Variants in ELAPOR2 observed in about 807,000 individuals in gnomAD.
ELAPOR2 encodes the protein endosome-lysosome associated apoptosis and autophagy regulator family member 2.
A neutral mutation model predicts 120.7 loss-of-function variants in ELAPOR2; 89 were observed. That is an observed-to-expected ratio of 0.74 (90% CI 0.62 to 0.88). ELAPOR2 has a LOEUF of 0.88. ELAPOR2 is among the 40% of genes least tolerant of loss of function. The pLI, the probability that ELAPOR2 is intolerant of heterozygous loss-of-function variation, is 0.00. For synonymous variants in ELAPOR2, 444 were observed against 444.9 expected, an observed-to-expected ratio of 1.00 and a Z score of 0.03; for missense variants, 1,134 against 1,251.6, an observed-to-expected ratio of 0.91 and a Z score of 1.42.
chr7:87,039,111 A>C (rs1794679361), intron 1 of ELAPOR2, among the ~76,000 whole-genome samples: 1 of 152,218 alleles, frequency 6.6e-6, no homozygotes, highest in Admixed American at 6.5e-5. Flanking sequence ...AATGCAAAGG[A>C]TCATTAGAGG....
intron 8 of ELAPOR2, 69 bp downstream of exon 8, chr7:86,938,057 T>C: frequency 3.5e-6 from 4 of 1,154,228 alleles, no homozygotes; most frequent in Non-Finnish European, 5.1e-6. Context: ...ACGAACAAAT[T>C]AGAGTCTGCT....
intron 10 of ELAPOR2, among the ~76,000 whole-genome samples, chr7:86,921,467 C>T (rs186945768): frequency 1.3e-5 from 2 of 152,090 alleles, no homozygotes; most frequent in African/African-American, 2.4e-5. Flanking sequence ...TCAAGGAATT[C>T]CTGGGGCTAC....
chr7:87,056,941 A>G (rs1795283740), intron 1 of ELAPOR2, among the ~76,000 whole-genome samples: 1 of 152,106 alleles, frequency 6.6e-6, no homozygotes, highest in Admixed American at 6.6e-5. Flanking sequence ...CTTTTTCTAT[A>G]CTCCTCAACA....
intron 1 of ELAPOR2, among the ~76,000 whole-genome samples, chr7:87,007,986 A>G (rs770253068): frequency 6.6e-6 from 1 of 152,212 alleles, no homozygotes; most frequent in Non-Finnish European, 1.5e-5. Flanking sequence ...CTAGTGATCG[A>G]AAGTTTAATG....
At chr7:86,989,606 G>A (rs1040433821) in intron 1 of ELAPOR2, among the ~76,000 whole-genome samples, 1 of 152,072 alleles carries the variant, frequency 6.6e-6, no homozygotes, top group East Asian at 1.9e-4. Flanking sequence ...TTTGATTTTC[G>A]TTTTTAGCCC....
intron 1 of ELAPOR2, among the ~76,000 whole-genome samples, chr7:86,985,624 T>C (rs1583950930): frequency 6.6e-6 from 1 of 152,100 alleles, no homozygotes; most frequent in Non-Finnish European, 1.5e-5. Context: ...GAAAAGGCCT[T>C]CAACAAAATT....
At chr7:87,046,759 G>A (rs1446679220) in intron 1 of ELAPOR2, among the ~76,000 whole-genome samples, 1 of 152,138 alleles carries the variant, frequency 6.6e-6, no homozygotes, top group Non-Finnish European at 1.5e-5. Context: ...CTTCTGCCAT[G>A]ATTGTTAAGT....
rs377166277 is a variant in ELAPOR2, at chr7:86,938,232, C to T, written c.1001-18G>A. 3.8e-5 allele frequency: 58 copies of T among 1,532,952 alleles called. No homozygotes were observed. The highest frequency in any genetic ancestry group is 1.7e-4 in the Middle Eastern group (1 of 5,958). 95.0% of individuals were successfully genotyped at this position (1,532,952 alleles called of 1,614,324 possible). ...TCCTTCCTCTGCAACATAAAAAAAG[C>T]GTTTCAGAAATGGGTCAATTATTTT... On this transcript the variant is annotated intron_variant, in intron 7 of 21. Transcript: ENST00000450689.
chr7:87,055,999 T>C (rs1795251394), intron 1 of ELAPOR2, among the ~76,000 whole-genome samples: 2 of 152,222 alleles, frequency 1.3e-5, no homozygotes, highest in South Asian at 4.1e-4. Context: ...AGTTCTGTTC[T>C]TTTTACTCTC....
At chr7:86,912,290 TAG>T in intron 14 of ELAPOR2, 45 bp from the exon 15 acceptor site, 1 of 1,286,238 alleles carries the variant, frequency 7.8e-7, no homozygotes, top group Non-Finnish European at 1.1e-6. Flanking sequence ...AAGAAAATAT[TAG>T]CTGCTACTAA....
At chr7:86,955,237 T>C (rs1371510897) in intron 2 of ELAPOR2, among the ~76,000 whole-genome samples, 1 of 152,124 alleles carries the variant, frequency 6.6e-6, no homozygotes, top group East Asian at 1.9e-4. Flanking sequence ...GAAAAAGTAA[T>C]CTATAATTCT....
At chr7:86,956,247 G>A (rs959054204) in intron 2 of ELAPOR2, among the ~76,000 whole-genome samples, 11 of 152,140 alleles carry the variant, frequency 7.2e-5, no homozygotes, top group African/African-American at 2.7e-4. Context: ...TAAGTTACTT[G>A]TGAAATTCTC....
chr7:87,041,484 CA>C (rs2129015718), intron 1 of ELAPOR2, among the ~76,000 whole-genome samples: 1 of 152,234 alleles, frequency 6.6e-6, no homozygotes, highest in Non-Finnish European at 1.5e-5. Context: ...AAAGAATTTT[CA>C]ACCCAGAATT....
chr7:87,054,749 CAGTTA>C (rs910188073), intron 1 of ELAPOR2, among the ~76,000 whole-genome samples: 1 of 152,192 alleles, frequency 6.6e-6, no homozygotes, highest in Non-Finnish European at 1.5e-5. Flanking sequence ...TCTCACCTCC[CAGTTA>C]ACACTCAACC....
intron 1 of ELAPOR2, among the ~76,000 whole-genome samples, chr7:86,971,345 A>C (rs138186798): frequency 1.1e-3 from 170 of 152,328 alleles, no homozygotes; most frequent in African/African-American, 3.0e-3. Context: ...TTTTCAAAAA[A>C]TGAACATTCT....
At chr7:86,885,541 A>G (rs1799648000) in intron 21 of ELAPOR2, among the ~76,000 whole-genome samples, 1 of 152,150 alleles carries the variant, frequency 6.6e-6, no homozygotes, top group Non-Finnish European at 1.5e-5. Flanking sequence ...CTTCAAGAAA[A>G]AAGATAATTA....
chr7:86,921,946 T>C (rs1310989922), intron 10 of ELAPOR2, among the ~76,000 whole-genome samples: 2 of 152,160 alleles, frequency 1.3e-5, no homozygotes, highest in Non-Finnish European at 2.9e-5. Flanking sequence ...GACCACATTT[T>C]ATAATGTAAA....
At chr7:87,016,357 T>C (rs1793867834) in intron 1 of ELAPOR2, among the ~76,000 whole-genome samples, 2 of 151,812 alleles carry the variant, frequency 1.3e-5, no homozygotes. Context: ...TCAAAAAATA[T>C]ATATATATTT....
chr7:87,030,601 C>G (rs528146167), intron 1 of ELAPOR2, among the ~76,000 whole-genome samples: 1 of 152,142 alleles, frequency 6.6e-6, no homozygotes, highest in Admixed American at 6.6e-5. Context: ...GAACTATAAC[C>G]TAACTTGTGT....
Sources: allele counts gnomAD v4.1 joint callset (sites outside exome capture counted in the v4.1 genomes callset), GRCh38; gene constraint gnomAD v4.1.1; transcripts MANE v1.5; gene names NCBI Gene and HGNC (gene_info 2026-07-23, HGNC 2026-07-21).